The following GTF2IRD1 variants were observed in gnomAD, a reference collection of about 807,000 sequenced individuals.
GTF2IRD1 encodes the protein general transcription factor II-I repeat domain-containing protein 1.
In GTF2IRD1, 26 loss-of-function variants were observed where a neutral mutation model predicts 113.2. The ratio of observed to expected loss-of-function variants is 0.23; its 90% CI spans 0.17 to 0.32. The LOEUF is 0.32. Ranked by LOEUF, GTF2IRD1 falls within the 10% of genes least tolerant of loss-of-function variation. The pLI is 1.00. For synonymous variants in GTF2IRD1, 484 were observed against 529.1 expected (o/e 0.91, Z 1.17); for missense variants, 864 against 1,280.8 (o/e 0.67, Z 4.97).
rs1448454568 is a variant in GTF2IRD1 at position 74,454,127 on chromosome 7, C to CGGGCCG, written c.-45_-40dup. ...GCGGCAGGAGGCTGAGTCCTGGCCG[C>CGGGCCG]GGGCCGGGGCCGGGGCGCCGCTGGC... On this transcript the variant is annotated 5_prime_UTR_variant, in exon 1 of 27. Transcript: ENST00000424337. The CGGGCCG allele has an allele frequency of 2.0e-5, 3 of 148,416 alleles. No homozygotes were observed. Among genetic ancestry groups the CGGGCCG allele is most frequent in the African/African-American group, 7.5e-5 (3 of 40,078 alleles). 9.2% of individuals were successfully genotyped at this position (148,416 alleles called of 1,614,324 possible). A position where few individuals can be genotyped will look rare whatever the true frequency, so the allele number is the denominator to read the frequency against.
At chr7:74,467,947 C>T (rs1793825665) in intron 1 of GTF2IRD1, among the ~76,000 whole-genome samples, 1 of 152,132 alleles carries the variant, frequency 6.6e-6, no homozygotes, top group Non-Finnish European at 1.5e-5. Flanking sequence ...CGCCTCTGGG[C>T]TATTTAGACA....
intron 7 of GTF2IRD1, among the ~76,000 whole-genome samples, chr7:74,522,244 TA>T (rs79083668): frequency 1.9e-3 from 273 of 142,100 alleles, no homozygotes; most frequent in Middle Eastern, 3.6e-3. Flanking sequence ...GTGATATATT[TA>T]AAAAAAAAAA....
intron 17 of GTF2IRD1, among the ~76,000 whole-genome samples, chr7:74,552,812 G>T (rs1799388464): frequency 6.6e-6 from 1 of 151,910 alleles, no homozygotes; most frequent in Admixed American, 6.6e-5. Flanking sequence ...TTTTTTGTGG[G>T]TTGGTTTTTT....
At chr7:74,559,871 C>T (rs2130787980) in intron 22 of GTF2IRD1, among the ~76,000 whole-genome samples, 1 of 152,198 alleles carries the variant, frequency 6.6e-6, no homozygotes, top group South Asian at 2.1e-4. Context: ...CCTCCACCTC[C>T]TGGATTCAAG....
chr7:74,515,689 G>T, intron 4 of GTF2IRD1, 93 bp downstream of exon 4: 1 of 1,126,434 alleles, frequency 8.9e-7, no homozygotes. Context: ...GTCCCACTAT[G>T]GGCCCTGGGC....
chr7:74,552,923 C>T (rs1376234302), intron 17 of GTF2IRD1, among the ~76,000 whole-genome samples: 19 of 151,838 alleles, frequency 1.3e-4, no homozygotes, highest in African/African-American at 4.4e-4. Context: ...CTGCAACCTC[C>T]GCCTCCCGGG....
intron 14 of GTF2IRD1, among the ~76,000 whole-genome samples, chr7:74,542,261 T>C (rs1421302403): frequency 6.6e-6 from 1 of 152,052 alleles, no homozygotes; most frequent in African/African-American, 2.4e-5. Context: ...TAGCTGGGCA[T>C]GGTGGCAGGC....
chr7:74,508,054 C>T (rs1796397038), intron 1 of GTF2IRD1, 21 bp from the exon 2 acceptor site: 2 of 1,595,798 alleles, frequency 1.3e-6, no homozygotes, highest in Non-Finnish European at 8.5e-7. Context: ...CCCACCACCA[C>T]TGCCTCCTCC....
At chr7:74,560,089 T>G (rs1439963803) in intron 22 of GTF2IRD1, among the ~76,000 whole-genome samples, 3 of 152,218 alleles carry the variant, frequency 2.0e-5, no homozygotes, top group Admixed American at 1.3e-4. Context: ...CCTAGGCCTC[T>G]GCCCTTCTGT....
At position 74,550,847 on chromosome 7, in the gene GTF2IRD1, A is replaced by C. The variant is rs1398513005; in HGVS notation, c.1916+3561A>C. The stretch of plus-strand genomic sequence containing the variant: ...AGTTCGAGACCAGTCTGGTCAACAT[A>C]GCAACCCCATCTCTATTTTATTTTT... On this transcript the variant is annotated intron_variant, in intron 17 of 26. Coordinates refer to ENST00000424337, the MANE Select transcript of GTF2IRD1 (RefSeq NM_005685.4). Among the ~76,000 whole-genome samples the C allele has an allele frequency of 1.2e-4, 18 of 151,326 alleles. No individual in the cohort carries two copies. In the East Asian group the frequency reaches 3.5e-3, roughly 30 times the overall value.
chr7:74,532,758 A>G (rs1554349210), intron 9 of GTF2IRD1, among the ~76,000 whole-genome samples: 1 of 152,132 alleles, frequency 6.6e-6, no homozygotes, highest in East Asian at 1.9e-4. Flanking sequence ...AGTCACCGTC[A>G]GCCTTGCACC....
chr7:74,591,508 A>G (rs1802062818), intron 24 of GTF2IRD1, among the ~76,000 whole-genome samples: 1 of 150,468 alleles, frequency 6.6e-6, no homozygotes, highest in Admixed American at 6.7e-5. Context: ...CCTCCCAAGT[A>G]GCTGGGATTA....
chr7:74,559,129 G>T, intron 21 of GTF2IRD1, 85 bp downstream of exon 21: 1 of 1,259,122 alleles, frequency 7.9e-7, no homozygotes. Context: ...CTTTCCCTAG[G>T]TCCTGCCCTC....
intron 22 of GTF2IRD1, among the ~76,000 whole-genome samples, chr7:74,581,380 G>A (rs587635268): frequency 3.3e-5 from 5 of 152,312 alleles, no homozygotes; most frequent in East Asian, 3.9e-4. Flanking sequence ...CCAGGGTCGC[G>A]AGCTGATTGC....
At chr7:74,559,712 G>A (rs1799834998) in intron 22 of GTF2IRD1, 57 bp downstream of exon 22, 2 of 1,454,430 alleles carry the variant, frequency 1.4e-6, no homozygotes, top group Non-Finnish European at 1.9e-6. Context: ...CGTGGTGCTG[G>A]GGACTGGAGC....
At chr7:74,492,446 T>C (rs1285733740) in intron 1 of GTF2IRD1, among the ~76,000 whole-genome samples, 6 of 151,820 alleles carry the variant, frequency 4.0e-5, no homozygotes, top group Non-Finnish European at 7.4e-5. Context: ...CTGGGATTAC[T>C]GGTGTGAGCC....
intron 1 of GTF2IRD1, among the ~76,000 whole-genome samples, chr7:74,469,863 C>G (rs144531024): frequency 6.6e-6 from 1 of 151,770 alleles, no homozygotes; most frequent in Non-Finnish European, 1.5e-5. Context: ...AGCCACCACC[C>G]CTGACTAATT....
intron 22 of GTF2IRD1, among the ~76,000 whole-genome samples, chr7:74,573,007 C>G (rs1018562700): frequency 2.0e-5 from 3 of 152,050 alleles, no homozygotes; most frequent in African/African-American, 7.2e-5. Flanking sequence ...GAGACCCTGC[C>G]CTTTTCTGGC....
At chr7:74,542,102 A>C (rs1298247353) in intron 14 of GTF2IRD1, among the ~76,000 whole-genome samples, 1 of 151,900 alleles carries the variant, frequency 6.6e-6, no homozygotes, top group Non-Finnish European at 1.5e-5. Context: ...TCTCAAAAAA[A>C]AAAAACAAAA....
Sources: gnomAD v4.1 joint callset for allele counts (sites outside exome capture counted in the v4.1 genomes callset) on GRCh38, gnomAD v4.1.1 for gene constraint, MANE v1.5 for transcripts, NCBI Gene and HGNC (gene_info 2026-07-23, HGNC 2026-07-21) for gene names.